LINGO3: variants seen among roughly 807,000 people sequenced by gnomAD.
The protein encoded by LINGO3 is leucine rich repeat and Ig domain containing 3.
For missense variants in LINGO3, 750 were observed against 867.7 expected (o/e 0.86, Z 1.70); for synonymous variants, 427 against 444.2 (o/e 0.96, Z 0.49).
upstream of LINGO3, among the ~76,000 whole-genome samples, chr19:2,293,131 C>G (rs79438680): frequency 1.3e-5 from 2 of 152,212 alleles, no homozygotes; most frequent in African/African-American, 4.8e-5. Flanking sequence ...GTGGCACAAT[C>G]TCACCTCACT....
the LINGO3 span, among the ~76,000 whole-genome samples, chr19:2,301,320 T>C: frequency 6.6e-6 from 1 of 151,348 alleles, no homozygotes; most frequent in East Asian, 1.9e-4. Context: ...ATGGACATCT[T>C]ATGTGGATGA....
At position 2,290,772 on chromosome 19, in the gene LINGO3, C is replaced by A. The variant is rs2145085895; in HGVS notation, c.1005G>T (p.Glu335Asp). The A allele has an allele frequency of 6.2e-7, 1 of 1,612,638 alleles. No individual in the cohort carries two copies. The highest frequency in any genetic ancestry group is 1.1e-5 in the South Asian group (1 of 91,072). The change falls in exon 1 of 1, where the codon GAG (glutamate) becomes GAT (aspartate). Residue 335 changes from glutamate to aspartate, a missense_variant. By Grantham distance (45) the Glu-to-Asp change is conservative. Coordinates refer to ENST00000585527, the Ensembl canonical transcript of LINGO3. The surrounding 1 kb of genome is among the most constrained non-coding windows in gnomAD (Gnocchi z 6.0). Reference sequence around the variant, plus strand: ...GCGTGTTCACCGAGTGGAAGGTGCTCTCCTCCAACGTGGAGAGCAGGTTGT... The same window carrying A: ...GCGTGTTCACCGAGTGGAAGGTGCTATCCTCCAACGTGGAGAGCAGGTTGT...
At chr19:2,297,341 G>C in the LINGO3 span, among the ~76,000 whole-genome samples, 41 of 113,698 alleles carry the variant, frequency 3.6e-4, no homozygotes, top group East Asian at 6.3e-3. Flanking sequence ...GTCTCGCTCT[G>C]TCGCCCAGGC....
At chr19:2,291,805 C>G in exon 1 of LINGO3, 1 of 1,459,550 alleles carries the variant, frequency 6.9e-7, no homozygotes, top group Non-Finnish European at 9.1e-7. Flanking sequence ...AGGGCCGCGC[C>G]ACCATCCTCC....
Position 2,290,945 on chromosome 19 carries a change from A to T in LINGO3, c.832T>A (p.Ser278Thr). ...GGCACCGTGCTGATGGGGTTGTGCG[A>T]CAGATTGAGGCAGGTGAGGTGCGCC... The change falls in exon 1 of 1, where the codon TCG becomes ACG. Residue 278 changes from serine (S) to threonine (T), a missense_variant. Ser to Thr is a moderately conservative substitution (Grantham distance 58). Coordinates refer to ENST00000585527, the Ensembl canonical transcript of LINGO3. The surrounding 1 kb of genome is among the most constrained non-coding windows in gnomAD (Gnocchi z 6.0). 1.2e-6 allele frequency: 2 copies of T among 1,611,886 alleles called. No homozygotes were observed. The highest frequency in any genetic ancestry group is 1.7e-6 in the Non-Finnish European group (2 of 1,179,480).
At chr19:2,301,566 G>T in the LINGO3 span, among the ~76,000 whole-genome samples, 1 of 152,132 alleles carries the variant, frequency 6.6e-6, no homozygotes, top group African/African-American at 2.4e-5. Context: ...GTTTTACACG[G>T]GGAGGCGGAG....
chr19:2,303,095 C>T, the LINGO3 span, among the ~76,000 whole-genome samples: 2 of 152,342 alleles, frequency 1.3e-5, no homozygotes, highest in Admixed American at 1.3e-4. Context: ...TTCCATCACC[C>T]CCAAAAGGAA....
At chr19:2,294,946 G>C (rs2025560470), upstream of LINGO3, among the ~76,000 whole-genome samples, 1 of 152,008 alleles carries the variant, frequency 6.6e-6, no homozygotes, top group East Asian at 1.9e-4. This position sits in a 1 kb window ranked among gnomAD's most constrained non-coding sequence, Gnocchi z 4.3. Context: ...GCCCCCCTCG[G>C]CATCCCCCCA....
the LINGO3 span, among the ~76,000 whole-genome samples, chr19:2,299,615 G>A: frequency 3.3e-5 from 5 of 150,832 alleles, no homozygotes; most frequent in South Asian, 8.4e-4. Flanking sequence ...TAGTAGAGAC[G>A]GGGTTTCACT....
chr19:2,292,879 G>C (rs1467433495), upstream of LINGO3, among the ~76,000 whole-genome samples: 1 of 152,152 alleles, frequency 6.6e-6, no homozygotes, highest in Non-Finnish European at 1.5e-5. Flanking sequence ...CAGCCAAACA[G>C]TGGAAAAGGC....
chr19:2,302,495 G>T, the LINGO3 span, among the ~76,000 whole-genome samples: 87 of 152,320 alleles, frequency 5.7e-4, 1 homozygote, highest in African/African-American at 2.0e-3. Context: ...TCGGCTCTGC[G>T]CCCCGCCGTC....
chr19:2,296,680 T>C (rs187659542), upstream of LINGO3, among the ~76,000 whole-genome samples: 511 of 151,318 alleles, frequency 3.4e-3, 4 homozygotes, highest in African/African-American at 0.011. Context: ...GGTTTCACCA[T>C]GTGGGCCAGG....
chr19:2,289,691 G>C (rs552359212), downstream of LINGO3: 79 of 338,632 alleles, frequency 2.3e-4, no homozygotes, highest in African/African-American at 1.3e-3. Context: ...AGCGCCCCCA[G>C]CCACCCCGGG....
At chr19:2,291,155 G>A (rs1317741726) in exon 1 of LINGO3, 11 of 1,607,254 alleles carry the variant, frequency 6.8e-6, no homozygotes, top group Non-Finnish European at 8.5e-6. Flanking sequence ...GCGATGGCCA[G>A]GTGGCGCAGC....
exon 1 of LINGO3, chr19:2,291,201 C>T (rs2025516660): frequency 1.2e-6 from 2 of 1,609,826 alleles, no homozygotes; most frequent in South Asian, 1.1e-5. Context: ...GGCCCAGCGA[C>T]TCCCCGGACA....
At chr19:2,308,142 A>AGCCGCAGCC in the LINGO3 span, among the ~76,000 whole-genome samples, 2 of 139,692 alleles carry the variant, frequency 1.4e-5, no homozygotes, top group Admixed American at 7.0e-5. Flanking sequence ...CGACACGAGC[A>AGCCGCAGCC]GCCGCCGCCG....
the LINGO3 span, among the ~76,000 whole-genome samples, chr19:2,305,083 TG>T: frequency 6.6e-6 from 1 of 152,242 alleles, no homozygotes; most frequent in Admixed American, 6.5e-5. Flanking sequence ...TAAATGTGTG[TG>T]GTTCCCAGCC....
chr19:2,297,202 C>T, the LINGO3 span, among the ~76,000 whole-genome samples: 2 of 152,036 alleles, frequency 1.3e-5, no homozygotes, highest in Admixed American at 1.3e-4. Flanking sequence ...CTCACCCCCA[C>T]CCTAGACTCA....
exon 1 of LINGO3, chr19:2,291,987 G>T: frequency 1.7e-6 from 1 of 592,918 alleles, no homozygotes; most frequent in African/African-American, 1.9e-5. Context: ...AAGAGTTCGA[G>T]ACCAGCCTGC....
Sources: allele counts gnomAD v4.1 joint callset (sites outside exome capture counted in the v4.1 genomes callset), GRCh38; gene constraint gnomAD v4.1.1; non-coding constraint Gnocchi (gnomAD v3.1); transcripts MANE v1.5; gene names NCBI Gene and HGNC (gene_info 2026-07-23, HGNC 2026-07-21).